CYRIB: variants seen among roughly 807,000 people sequenced by gnomAD.
CYRIB encodes CYFIP related Rac1 interactor B.
A neutral mutation model predicts 44.2 loss-of-function variants in CYRIB; 8 were observed. That is an observed-to-expected ratio of 0.18 (90% CI 0.11 to 0.33). The LOEUF (loss-of-function observed/expected upper bound fraction) is 0.33, where lower values mean the gene tolerates loss of function less well. Ranked by LOEUF, CYRIB falls within the 10% of genes least tolerant of loss-of-function variation. CYRIB has a pLI of 1.00. For missense variants in CYRIB, 185 were observed against 382.8 expected (o/e 0.48, Z 4.31); for synonymous variants, 131 against 127.2 (o/e 1.03, Z -0.20).
chr8:129,850,141 T>A (rs909401632), intron 9 of CYRIB: 1 of 152,248 alleles, frequency 6.6e-6, no homozygotes, highest in East Asian at 1.9e-4. Flanking sequence ...CCCTCCTATT[T>A]CATAAGGTTT....
At chr8:130,005,330 T>C (rs1040469635) in intron 1 of CYRIB, among the ~76,000 whole-genome samples, 2 of 152,170 alleles carry the variant, frequency 1.3e-5, no homozygotes, top group Non-Finnish European at 2.9e-5. Context: ...GGGCAGGGCC[T>C]TGTGGCTTCA....
chr8:129,912,971 C>CTTT (rs34861646), intron 1 of CYRIB, among the ~76,000 whole-genome samples: 21 of 124,090 alleles, frequency 1.7e-4, no homozygotes, highest in Middle Eastern at 4.6e-3. Context: ...ATCTGCTTCA[C>CTTT]TTTTTTTTTT....
intron 2 of CYRIB, 103 bp downstream of exon 4, chr8:129,903,209 T>C (rs928635303): frequency 6.6e-6 from 1 of 152,518 alleles, no homozygotes; most frequent in African/African-American, 2.4e-5. Context: ...ATATTGTGTA[T>C]AGAACATTTC....
At position 130,012,216 on chromosome 8, in the gene CYRIB, A is replaced by G. The variant is rs376590716; in HGVS notation, c.-296+4154T>C. Reference sequence around the variant, plus strand: ...TCCAAAAGAAGGAAAAAAAAAATCAATGGGACAGAATGTAAGCTCCATGAC... The same window carrying G: ...TCCAAAAGAAGGAAAAAAAAAATCAGTGGGACAGAATGTAAGCTCCATGAC... On this transcript the variant is annotated intron_variant, in intron 1 of 14. Transcript: ENST00000401979. Among the ~76,000 whole-genome samples the G allele has an allele frequency of 5.3e-4, 80 of 152,270 alleles. No individual in the cohort carries two copies. In the East Asian group the frequency reaches 0.012, roughly 22 times the overall value.
chr8:130,012,007 T>TTCCAAAACACGTC (rs1564843154), intron 1 of CYRIB, among the ~76,000 whole-genome samples: 5 of 152,106 alleles, frequency 3.3e-5, no homozygotes, highest in Non-Finnish European at 7.4e-5. Flanking sequence ...AAAAGGATCC[T>TTCCAAAACACGTC]TTCCAAAACA....
chr8:129,845,081 A>T (rs1372315297), intron 11 of CYRIB, among the ~76,000 whole-genome samples: 5 of 152,148 alleles, frequency 3.3e-5, no homozygotes, highest in Non-Finnish European at 4.4e-5. Context: ...CCTCAAACAC[A>T]GATTACTTTG....
At chr8:129,928,787 C>A (rs933499570) in intron 1 of CYRIB, among the ~76,000 whole-genome samples, 5 of 152,012 alleles carry the variant, frequency 3.3e-5, no homozygotes, top group African/African-American at 4.8e-5. Flanking sequence ...TAATTATAAT[C>A]AAAAAGATAA....
At chr8:129,874,757 G>C (rs1427526392) in intron 3 of CYRIB, among the ~76,000 whole-genome samples, 1 of 152,028 alleles carries the variant, frequency 6.6e-6, no homozygotes. Context: ...TAAGAAAGAT[G>C]ACACCAGAAT....
chr8:130,003,217 TAAC>T (rs528374664), intron 1 of CYRIB, among the ~76,000 whole-genome samples: 11 of 152,300 alleles, frequency 7.2e-5, no homozygotes, highest in African/African-American at 1.7e-4. Context: ...GACCCTGTCT[TAAC>T]AACAACAACA....
At chr8:129,863,265 G>T (rs1180850550) in intron 4 of CYRIB, among the ~76,000 whole-genome samples, 2 of 152,146 alleles carry the variant, frequency 1.3e-5, no homozygotes, top group Admixed American at 1.3e-4. Flanking sequence ...CGTGGCTCAC[G>T]CCTGTAATCC....
intron 2 of CYRIB, among the ~76,000 whole-genome samples, chr8:129,952,452 T>C (rs2131371500): frequency 6.6e-6 from 1 of 152,252 alleles, no homozygotes; most frequent in South Asian, 2.1e-4. Context: ...TGCAAAATTG[T>C]ATATACAATT....
chr8:129,927,012 G>A (rs919831331), intron 1 of CYRIB, among the ~76,000 whole-genome samples: 6 of 152,216 alleles, frequency 3.9e-5, no homozygotes, highest in African/African-American at 1.4e-4. Context: ...GTCAAGTGGA[G>A]TGGCTCATGC....
chr8:129,917,315 TCA>T (rs919241100), intron 1 of CYRIB, among the ~76,000 whole-genome samples: 9 of 152,300 alleles, frequency 5.9e-5, no homozygotes, highest in African/African-American at 1.9e-4. Flanking sequence ...AGACCTCTAC[TCA>T]CACAACCACT....
chr8:130,000,844 G>A (rs2133879553), intron 1 of CYRIB, among the ~76,000 whole-genome samples: 1 of 151,866 alleles, frequency 6.6e-6, no homozygotes, highest in African/African-American at 2.4e-5. Context: ...ATTGCACCTG[G>A]ACAACAGAGC....
chr8:130,013,073 G>A (rs553795188), intron 1 of CYRIB, among the ~76,000 whole-genome samples: 11 of 152,186 alleles, frequency 7.2e-5, no homozygotes, highest in African/African-American at 1.4e-4. Context: ...CTAAAACAGA[G>A]AGATGAATCT....
At chr8:129,845,088 T>TGG (rs2039018175) in intron 11 of CYRIB, among the ~76,000 whole-genome samples, 1 of 152,154 alleles carries the variant, frequency 6.6e-6, no homozygotes, top group Admixed American at 6.5e-5. Context: ...CACAGATTAC[T>TGG]TTGTGGGAGA....
chr8:129,994,251 C>T (rs909372311), intron 1 of CYRIB, among the ~76,000 whole-genome samples: 5 of 150,998 alleles, frequency 3.3e-5, no homozygotes, highest in African/African-American at 1.2e-4. Flanking sequence ...CCAAAGACTG[C>T]CCCAAAACTC....
intron 4 of CYRIB, among the ~76,000 whole-genome samples, chr8:129,864,294 T>C (rs745419698): frequency 6.6e-6 from 1 of 152,230 alleles, no homozygotes; most frequent in Non-Finnish European, 1.5e-5. Context: ...TCACATTCTA[T>C]AGTAATGAGA....
intron 3 of CYRIB, among the ~76,000 whole-genome samples, chr8:129,877,707 T>A (rs1487919646): frequency 6.8e-6 from 1 of 146,844 alleles, no homozygotes; most frequent in Non-Finnish European, 1.5e-5. Flanking sequence ...TATAAAATGA[T>A]CCAAACACTC....
Sources: gnomAD v4.1 joint callset for allele counts (sites outside exome capture counted in the v4.1 genomes callset) on GRCh38, gnomAD v4.1.1 for gene constraint, MANE v1.5 for transcripts, NCBI Gene and HGNC (gene_info 2026-07-23, HGNC 2026-07-21) for gene names.